The following XPR1 variants were observed in gnomAD, a reference collection of about 807,000 sequenced individuals.
The protein encoded by XPR1 is xenotropic and polytropic retrovirus receptor 1, also known as solute carrier family 53 member 1.
A neutral mutation model predicts 87.5 loss-of-function variants in XPR1; 28 were observed. That is an observed-to-expected ratio of 0.32 (90% CI 0.24 to 0.44). The LOEUF is 0.44. XPR1 is among the 20% of genes least tolerant of loss of function. The pLI is 1.00. For synonymous variants in XPR1, 300 were observed against 306.1 expected, an observed-to-expected ratio of 0.98 and a Z score of 0.21; for missense variants, 559 against 862.3, an observed-to-expected ratio of 0.65 and a Z score of 4.41.
chr1:180,714,350 TC>T (rs1185534326), intron 2 of XPR1, among the ~76,000 whole-genome samples: 152 of 6,448 alleles, frequency 0.024, 1 homozygote, highest in African/African-American at 0.075. Context: ...TTTTCCCTGT[TC>T]TCTCTCTCTC....
intron 2 of XPR1, among the ~76,000 whole-genome samples, chr1:180,723,967 C>T (rs12137133): frequency 0.31 from 47,652 of 151,820 alleles, 8,228 homozygotes; most frequent in Non-Finnish European, 0.38. Flanking sequence ...TTTCTTTTTG[C>T]AAACAAAGAT....
intron 11 of XPR1, among the ~76,000 whole-genome samples, chr1:180,858,086 C>T (rs1425053431): frequency 6.6e-6 from 1 of 152,054 alleles, no homozygotes; most frequent in East Asian, 1.9e-4. Flanking sequence ...CGTGGTGGCG[C>T]ATGCCTGCAG....
intron 2 of XPR1, among the ~76,000 whole-genome samples, chr1:180,739,179 A>G (rs993413996): frequency 1.3e-5 from 2 of 152,108 alleles, no homozygotes; most frequent in Admixed American, 1.3e-4. Flanking sequence ...TCAAAAATCA[A>G]TTTACCGTAT....
chr1:180,845,437 A>C (rs1196941060), intron 11 of XPR1, among the ~76,000 whole-genome samples: 1 of 152,270 alleles, frequency 6.6e-6, no homozygotes, highest in Non-Finnish European at 1.5e-5. Flanking sequence ...GTAACTGCAT[A>C]GTATATGAAA....
chr1:180,634,788 C>A (rs1055853147), intron 1 of XPR1, among the ~76,000 whole-genome samples: 2 of 151,726 alleles, frequency 1.3e-5, no homozygotes, highest in Non-Finnish European at 2.9e-5. Flanking sequence ...TTGAAATAAG[C>A]AGAGAATTAG....
intron 1 of XPR1, among the ~76,000 whole-genome samples, chr1:180,676,565 A>G (rs893322206): frequency 6.6e-6 from 1 of 152,194 alleles, no homozygotes; most frequent in Non-Finnish European, 1.5e-5. Flanking sequence ...CCAAAATATT[A>G]CCACTACTCT....
intron 2 of XPR1, among the ~76,000 whole-genome samples, chr1:180,747,508 C>A (rs1647304179): frequency 6.6e-6 from 1 of 152,050 alleles, no homozygotes; most frequent in African/African-American, 2.4e-5. Flanking sequence ...CAGAAATTAT[C>A]CGTTATTTAT....
chr1:180,832,920 G>A (rs1651123940), intron 9 of XPR1, among the ~76,000 whole-genome samples: 3 of 152,206 alleles, frequency 2.0e-5, no homozygotes, highest in African/African-American at 7.2e-5. Context: ...CAGTTTGATA[G>A]GGATAGCATT....
intron 7 of XPR1, among the ~76,000 whole-genome samples, chr1:180,819,994 T>C (rs1650564367): frequency 1.3e-5 from 2 of 151,414 alleles, no homozygotes; most frequent in African/African-American, 4.9e-5. Flanking sequence ...CACTCCAGCC[T>C]GGGCAACAGA....
In XPR1 at chr1:180,729,744, G is replaced by T. The variant is rs181963434; in HGVS notation, c.121+47333G>T. On this transcript the variant is annotated intron_variant, in intron 2 of 14. Coordinates refer to ENST00000367590, the MANE Select transcript of XPR1 (RefSeq NM_004736.4). The stretch of plus-strand genomic sequence containing the variant: ...CATGTCCTTTGCCCACTTTTTAATG[G>T]GATTATTTGTTTTTTGCTTGTGAAT... Among the ~76,000 whole-genome samples the T allele has an allele frequency of 7.2e-5, 11 of 151,950 alleles. No homozygotes were observed. In the East Asian group the frequency reaches 2.1e-3, roughly 29 times the overall value.
At chr1:180,840,112 A>G (rs1411629129) in intron 11 of XPR1, among the ~76,000 whole-genome samples, 3 of 150,880 alleles carry the variant, frequency 2.0e-5, no homozygotes, top group African/African-American at 7.3e-5. Flanking sequence ...AGTCCCAGCT[A>G]CTCGGGAGGC....
intron 1 of XPR1, among the ~76,000 whole-genome samples, chr1:180,659,428 CTTCCTTCCT>C (rs1655683580): frequency 9.9e-6 from 1 of 101,402 alleles, no homozygotes; most frequent in Non-Finnish European, 1.9e-5. Context: ...TCCTTCCTTC[CTTCCTTCCT>C]TCTTCCCTCC....
chr1:180,866,454 T>C (rs12082250), intron 12 of XPR1, among the ~76,000 whole-genome samples: 6,550 of 152,274 alleles, frequency 0.043, 502 homozygotes, highest in African/African-American at 0.15. Flanking sequence ...TCACACTTAA[T>C]TTTTCTGTGT....
At chr1:180,881,092 T>C (rs1216629096) in intron 14 of XPR1, among the ~76,000 whole-genome samples, 1 of 152,126 alleles carries the variant, frequency 6.6e-6, no homozygotes, top group Non-Finnish European at 1.5e-5. Flanking sequence ...AGAATAATTT[T>C]GCTGAATAGA....
chr1:180,751,216 C>T (rs911040935), intron 2 of XPR1, among the ~76,000 whole-genome samples: 2 of 151,866 alleles, frequency 1.3e-5, no homozygotes, highest in East Asian at 3.8e-4. Flanking sequence ...TTACAGTTTT[C>T]CTTTCCTATC....
At chr1:180,695,805 C>T (rs750995146) in intron 2 of XPR1, among the ~76,000 whole-genome samples, 26 of 152,004 alleles carry the variant, frequency 1.7e-4, no homozygotes, top group African/African-American at 6.3e-4. Flanking sequence ...TGTAGTTAGT[C>T]CAGTATCTTG....
At position 180,854,875 on chromosome 1, in the gene XPR1, G is replaced by A. The variant is rs549049445; in HGVS notation, c.1502-8833G>A. On this transcript the variant is annotated intron_variant, in intron 11 of 14. Transcript: ENST00000367590. ...TTCATTTTGCCTGGAGGGCCTAGGA[G>A]CTACAAACTTAATAGGTGTTTTCAG... Among the ~76,000 whole-genome samples the A allele has an allele frequency of 3.9e-5, 6 of 152,288 alleles. 1 individual carries two copies. The highest frequency in any genetic ancestry group is 3.3e-4 in the Admixed American group (5 of 15,296).
chr1:180,726,074 A>G (rs1047431329), intron 2 of XPR1, among the ~76,000 whole-genome samples: 1 of 152,222 alleles, frequency 6.6e-6, no homozygotes, highest in African/African-American at 2.4e-5. Flanking sequence ...CTGTCTAGCT[A>G]GAGGAGTGTA....
At chr1:180,674,352 G>A (rs1045711748) in intron 1 of XPR1, among the ~76,000 whole-genome samples, 3 of 152,070 alleles carry the variant, frequency 2.0e-5, no homozygotes, top group Non-Finnish European at 4.4e-5. Flanking sequence ...GCCGCCTCCC[G>A]GGTTCAAGTG....
Sources: gnomAD v4.1 joint callset for allele counts (sites outside exome capture counted in the v4.1 genomes callset) on GRCh38, gnomAD v4.1.1 for gene constraint, MANE v1.5 for transcripts, NCBI Gene and HGNC (gene_info 2026-07-23, HGNC 2026-07-21) for gene names.